Variants in GALNTL6 observed in about 807,000 individuals in gnomAD.
GALNTL6 encodes polypeptide N-acetylgalactosaminyltransferase-like 6.
A neutral mutation model predicts 73.7 loss-of-function variants in GALNTL6; 46 were observed. The ratio of observed to expected loss-of-function variants is 0.62; its 90% CI spans 0.49 to 0.80. The LOEUF (loss-of-function observed/expected upper bound fraction) is 0.80. Ranked by LOEUF, GALNTL6 falls within the 30% of genes least tolerant of loss-of-function variation. GALNTL6 has a pLI of 0.00. For missense variants in GALNTL6, 604 were observed against 755.0 expected, an observed-to-expected ratio of 0.80 and a Z score of 2.34; for synonymous variants, 259 against 263.7, an observed-to-expected ratio of 0.98 and a Z score of 0.17.
At chr4:171,991,755 T>TATATATATATATATAC (rs371828556) in intron 2 of GALNTL6, among the ~76,000 whole-genome samples, 1 of 140,688 alleles carries the variant, frequency 7.1e-6, no homozygotes, top group Non-Finnish European at 1.5e-5. Flanking sequence ...TATATATATA[T>TATATATATATATATAC]ACACATATAT....
chr4:171,864,041 C>T (rs1012891018), intron 2 of GALNTL6, among the ~76,000 whole-genome samples: 9 of 152,140 alleles, frequency 5.9e-5, no homozygotes, highest in African/African-American at 1.7e-4. Flanking sequence ...GGATTACAGG[C>T]GTGAGCCATG....
At chr4:172,752,092 A>G (rs1273901838) in intron 5 of GALNTL6, among the ~76,000 whole-genome samples, 1 of 151,102 alleles carries the variant, frequency 6.6e-6, no homozygotes, top group African/African-American at 2.4e-5. Flanking sequence ...CCAAAACCCT[A>G]CAAGTGAGAA....
chr4:172,695,331 A>G (rs1432544938), intron 5 of GALNTL6, among the ~76,000 whole-genome samples: 2 of 152,246 alleles, frequency 1.3e-5, no homozygotes, highest in Non-Finnish European at 2.9e-5. Flanking sequence ...CATTCATTTG[A>G]TTCATTCTTT....
chr4:172,183,448 A>G (rs1405525410), intron 2 of GALNTL6, among the ~76,000 whole-genome samples: 3 of 152,228 alleles, frequency 2.0e-5, no homozygotes, highest in Non-Finnish European at 4.4e-5. Flanking sequence ...GGCTTGAATA[A>G]TATGTAATTT....
At chr4:172,917,097 G>A (rs184161696) in intron 8 of GALNTL6, among the ~76,000 whole-genome samples, 37 of 152,064 alleles carry the variant, frequency 2.4e-4, no homozygotes, top group African/African-American at 6.5e-4. Flanking sequence ...AATACCACAC[G>A]TCTACAACCA....
At chr4:172,158,016 G>A (rs1047769885) in intron 2 of GALNTL6, among the ~76,000 whole-genome samples, 7 of 152,190 alleles carry the variant, frequency 4.6e-5, no homozygotes, top group African/African-American at 1.4e-4. Flanking sequence ...ATGGAGGAAT[G>A]ATCTTGGCCA....
At chr4:171,964,174 C>CT (rs34889130) in intron 2 of GALNTL6, among the ~76,000 whole-genome samples, 59,699 of 148,062 alleles carry the variant, frequency 0.4, 12,294 homozygotes, top group Middle Eastern at 0.55. Flanking sequence ...GTAAGCAATA[C>CT]TTTTTTTTTT....
intron 5 of GALNTL6, among the ~76,000 whole-genome samples, chr4:172,593,005 A>G (rs1737711143): frequency 1.3e-5 from 2 of 152,104 alleles, no homozygotes; most frequent in Non-Finnish European, 2.9e-5. Context: ...TTCTAATTAA[A>G]ATAATACTCA....
At chr4:172,070,068 AC>A (rs1227381442) in intron 2 of GALNTL6, among the ~76,000 whole-genome samples, 1 of 108,676 alleles carries the variant, frequency 9.2e-6, no homozygotes, top group Admixed American at 9.7e-5. Flanking sequence ...CTTGTGGAGA[AC>A]ATTCCCAGCA....
At chr4:171,863,248 C>T (rs558982145) in intron 2 of GALNTL6, among the ~76,000 whole-genome samples, 58 of 152,282 alleles carry the variant, frequency 3.8e-4, no homozygotes, top group Non-Finnish European at 7.4e-4. Context: ...TTTCACTTGA[C>T]TGAAGAAACT....
chr4:172,018,509 G>C (rs998779537), intron 2 of GALNTL6, among the ~76,000 whole-genome samples: 21 of 152,036 alleles, frequency 1.4e-4, no homozygotes, highest in Non-Finnish European at 2.6e-4. Context: ...GTAGTGAAAG[G>C]CCTCACCCAG....
chr4:171,940,259 G>A (rs1051023392), intron 2 of GALNTL6, among the ~76,000 whole-genome samples: 11 of 152,008 alleles, frequency 7.2e-5, no homozygotes, highest in African/African-American at 2.7e-4. Context: ...GACATTGAAG[G>A]TAATTTCTGA....
chr4:172,054,681 G>A (rs529872120), intron 2 of GALNTL6, among the ~76,000 whole-genome samples: 90 of 152,176 alleles, frequency 5.9e-4, no homozygotes, highest in African/African-American at 2.1e-3. Flanking sequence ...TAACATTGAG[G>A]GTTACGTTTC....
chr4:172,987,334 G>T (rs150769233), intron 10 of GALNTL6, among the ~76,000 whole-genome samples: 75 of 152,218 alleles, frequency 4.9e-4, no homozygotes, highest in African/African-American at 1.7e-3. Context: ...CTAAGCAAAA[G>T]GGGGAAAAGC....
At chr4:172,229,398 T>A (rs1417331399) in intron 2 of GALNTL6, among the ~76,000 whole-genome samples, 1 of 152,170 alleles carries the variant, frequency 6.6e-6, no homozygotes, top group Admixed American at 6.5e-5. Context: ...ACACGCTAAA[T>A]ATTAGCGTCT....
At chr4:172,267,253 G>A (rs1035886564) in intron 3 of GALNTL6, among the ~76,000 whole-genome samples, 19 of 152,110 alleles carry the variant, frequency 1.2e-4, no homozygotes, top group African/African-American at 4.3e-4. Flanking sequence ...GGAATGTAAT[G>A]AGAGCAGGAA....
chr4:171,930,032 C>T (rs867284411), intron 2 of GALNTL6, among the ~76,000 whole-genome samples: 34 of 152,340 alleles, frequency 2.2e-4, no homozygotes, highest in Middle Eastern at 3.4e-3. Flanking sequence ...AGCCACCCCA[C>T]CCCCGCTAGT....
intron 2 of GALNTL6, among the ~76,000 whole-genome samples, chr4:172,109,013 C>CA (rs202017302): frequency 0.061 from 6,517 of 107,382 alleles, 616 homozygotes; most frequent in East Asian, 0.17. Flanking sequence ...ACTCCATCTC[C>CA]AAAAAAAAAA....
chr4:171,844,514 G>C (rs1202378170), intron 2 of GALNTL6, among the ~76,000 whole-genome samples: 4 of 152,006 alleles, frequency 2.6e-5, no homozygotes, highest in Non-Finnish European at 5.9e-5. Flanking sequence ...GTGCATTTTT[G>C]TTTTAAGTTT....
Sources: gnomAD v4.1 joint callset for allele counts (sites outside exome capture counted in the v4.1 genomes callset) on GRCh38, gnomAD v4.1.1 for gene constraint, MANE v1.5 for transcripts, NCBI Gene and HGNC (gene_info 2026-07-23, HGNC 2026-07-21) for gene names.